AOPEP: variants seen among roughly 807,000 people sequenced by gnomAD.
The protein encoded by AOPEP is aminopeptidase O.
Under a neutral mutation model 98.1 loss-of-function variants are expected in AOPEP, and 77 were observed. That is an observed-to-expected ratio of 0.78 (90% CI 0.65 to 0.95). The LOEUF is 0.95. Among genes scored for constraint, AOPEP ranks in the 40% least tolerant of loss-of-function variants. The pLI is 0.00. For missense variants in AOPEP, 1,024 were observed against 1,024.7 expected (o/e 1.00, Z 0.01); for synonymous variants, 346 against 365.3 (o/e 0.95, Z 0.60).
At chr9:94,818,793 G>T (rs12351111) in intron 5 of AOPEP, among the ~76,000 whole-genome samples, 13,498 of 152,184 alleles carry the variant, frequency 0.089, 716 homozygotes, top group African/African-American at 0.13. Flanking sequence ...AGGAGATCGA[G>T]ACCATCCTGG....
At chr9:95,014,974 T>G (rs1473466452) in intron 13 of AOPEP, among the ~76,000 whole-genome samples, 1 of 152,166 alleles carries the variant, frequency 6.6e-6, no homozygotes, top group East Asian at 1.9e-4. Context: ...TTTCTGGCCA[T>G]GGGGAGATCA....
chr9:95,023,496 G>T (rs12346261), intron 13 of AOPEP, among the ~76,000 whole-genome samples: 1 of 152,170 alleles, frequency 6.6e-6, no homozygotes, highest in Non-Finnish European at 1.5e-5. Context: ...CTCAGGTTCA[G>T]TTGGAAGTTT....
intron 5 of AOPEP, among the ~76,000 whole-genome samples, chr9:94,905,124 A>T (rs975878555): frequency 2.6e-5 from 4 of 152,220 alleles, no homozygotes; most frequent in African/African-American, 9.6e-5. Context: ...CAGATATCGT[A>T]TTGATGGACA....
chr9:95,056,190 A>G (rs1340420814), intron 13 of AOPEP: 1 of 152,236 alleles, frequency 6.6e-6, no homozygotes, highest in Non-Finnish European at 1.5e-5. Flanking sequence ...ATAATGGGGT[A>G]ATAATAGAAC....
the AOPEP span, chr9:95,107,585 AAG>A: frequency 2.1e-6 from 1 of 466,732 alleles, no homozygotes; most frequent in South Asian, 2.3e-5. Flanking sequence ...TTGTGGGAAA[AAG>A]AACAAAAGGC....
chr9:94,984,181 C>G (rs1029053463), intron 11 of AOPEP, among the ~76,000 whole-genome samples: 3 of 151,860 alleles, frequency 2.0e-5, no homozygotes, highest in Non-Finnish European at 4.4e-5. Context: ...TACAGGCGCC[C>G]GCCACCACGC....
intron 11 of AOPEP, among the ~76,000 whole-genome samples, chr9:94,985,837 T>C (rs1260722433): frequency 6.6e-6 from 1 of 152,204 alleles, no homozygotes; most frequent in Non-Finnish European, 1.5e-5. Context: ...GCGGCCTCAC[T>C]TGAGGCAGCA....
chr9:95,040,134 G>T (rs1343918683), intron 13 of AOPEP, among the ~76,000 whole-genome samples: 1 of 152,182 alleles, frequency 6.6e-6, no homozygotes, highest in Non-Finnish European at 1.5e-5. Flanking sequence ...GAGAGAGGAG[G>T]CACACAGTCA....
At chr9:94,900,276 T>C (rs2136221962) in intron 5 of AOPEP, among the ~76,000 whole-genome samples, 1 of 152,350 alleles carries the variant, frequency 6.6e-6, no homozygotes, top group South Asian at 2.1e-4. Context: ...TTATGAATAT[T>C]GTAACCTGTA....
chr9:95,143,316 T>G, the AOPEP span, among the ~76,000 whole-genome samples: 1 of 152,136 alleles, frequency 6.6e-6, no homozygotes, highest in African/African-American at 2.4e-5. Flanking sequence ...TTTAGGTTTT[T>G]TATGGAGGTC....
intron 1 of AOPEP, among the ~76,000 whole-genome samples, chr9:94,755,602 A>G (rs1454198704): frequency 1.3e-5 from 2 of 152,200 alleles, no homozygotes; most frequent in South Asian, 2.1e-4. Flanking sequence ...CTATTACAAT[A>G]AGAATTGGTT....
chr9:95,027,885 C>T (rs538565194), intron 13 of AOPEP, among the ~76,000 whole-genome samples: 1 of 152,286 alleles, frequency 6.6e-6, no homozygotes, highest in East Asian at 1.9e-4. Flanking sequence ...TCAAGTGAAC[C>T]TATTTTTCTA....
intron 10 of AOPEP, 45 bp downstream of exon 10, chr9:94,967,846 A>T (rs1380242050): frequency 4.0e-6 from 6 of 1,488,326 alleles, no homozygotes; most frequent in Non-Finnish European, 5.6e-6. Context: ...CCCAGTTTTA[A>T]TGTTAAAAAT....
chr9:94,862,907 G>A (rs755307382), intron 5 of AOPEP, among the ~76,000 whole-genome samples: 2 of 152,172 alleles, frequency 1.3e-5, no homozygotes, highest in African/African-American at 4.8e-5. Flanking sequence ...AAGTATATGC[G>A]CACAAATACT....
chr9:95,082,699 C>T lies in AOPEP; in HGVS notation c.2444C>T (p.Ala815Val). 6.2e-7 allele frequency: 1 copy of T among 1,614,140 alleles called. No homozygotes were observed. Among genetic ancestry groups the T allele is most frequent in the South Asian group, 1.1e-5 (1 of 91,074 alleles). The part of the protein sequence containing the change: ...QMDRSSAQVV[A>V]EMLF Reference sequence around the variant, plus strand: ...GATAGGTCCTCAGCCCAGGTGGTGGCCGAAATGTTATTTTAACGAGGTGAT... The same window carrying T: ...GATAGGTCCTCAGCCCAGGTGGTGGTCGAAATGTTATTTTAACGAGGTGAT... Residue 815 changes from alanine to valine, a missense_variant, in exon 16 of 17, where the codon GCC (alanine) becomes GTC (valine). By Grantham distance (64) the Ala-to-Val change is moderately conservative (BLOSUM62 0). This residue lies in a region of AOPEP where 566 missense variants were observed against 551.7 expected (regional missense o/e 1.03). Coordinates refer to ENST00000375315, the MANE Select transcript of AOPEP (RefSeq NM_001193329.3).
intron 4 of AOPEP, among the ~76,000 whole-genome samples, chr9:94,793,617 C>T (rs142563690): frequency 0.038 from 5,738 of 150,710 alleles, 348 homozygotes; most frequent in African/African-American, 0.13. Context: ...GTAGAGGTTG[C>T]AGTGAGCCAA....
rs191644902 is a variant in AOPEP at position 95,060,746 on chromosome 9, C to T, written c.2168C>T (p.Thr723Ile). The change falls in exon 14 of 17, where the codon ACT becomes ATT. Residue 723 changes from threonine to isoleucine, a missense_variant. Transcript: ENST00000375315. ...CTGGAGCATCTCTTGGAGCAGAAGA[C>T]TCTGAGCCCCCGAACTCTGCAAAGC... ...LLLEHLLEQKTLSPRTLQSLQ... is the reference protein window; with the variant it reads ...LLLEHLLEQKILSPRTLQSLQ... 2.6e-5 allele frequency: 42 copies of T among 1,614,156 alleles called. No homozygotes were observed. The highest frequency in any genetic ancestry group is 3.4e-5 in the Non-Finnish European group (40 of 1,179,994).
chr9:95,136,013 C>A, the AOPEP span, among the ~76,000 whole-genome samples: 1 of 152,162 alleles, frequency 6.6e-6, no homozygotes, highest in Non-Finnish European at 1.5e-5. Context: ...TGCAACAACA[C>A]ACGTACAGTG....
intron 7 of AOPEP, among the ~76,000 whole-genome samples, chr9:94,931,040 T>C (rs12554043): frequency 0.11 from 16,850 of 152,168 alleles, 1,886 homozygotes; most frequent in African/African-American, 0.28. Flanking sequence ...CCCTTTGGTT[T>C]TGCATAACCA....
Sources: allele counts gnomAD v4.1 joint callset (sites outside exome capture counted in the v4.1 genomes callset), GRCh38; gene constraint gnomAD v4.1.1; regional missense constraint gnomAD v4.1.1; transcripts MANE v1.5; gene names NCBI Gene and HGNC (gene_info 2026-07-23, HGNC 2026-07-21).